Variants in ABR observed in about 807,000 individuals in gnomAD.
The protein encoded by ABR is active breakpoint cluster region-related protein.
ABR carries 35 observed loss-of-function variants against 107.2 expected under a neutral mutation model. The ratio of observed to expected loss-of-function variants is 0.33; its 90% confidence interval spans 0.25 to 0.43. The LOEUF (loss-of-function observed/expected upper bound fraction) is 0.43. Among genes scored for constraint, ABR ranks in the 20% least tolerant of loss-of-function variants. The probability of loss-of-function intolerance (pLI) is 1.00; values close to 1 mark genes in which losing one functional copy is unlikely to be tolerated. For missense variants in ABR, 815 were observed against 1,115.2 expected (o/e 0.73, Z 3.83); for synonymous variants, 498 against 462.0 (o/e 1.08, Z -1.00).
At chr17:1,109,550 T>G (rs947780230) in intron 2 of ABR, among the ~76,000 whole-genome samples, 2 of 150,132 alleles carry the variant, frequency 1.3e-5, no homozygotes, top group African/African-American at 2.4e-5. Flanking sequence ...CGGGCCGGGG[T>G]GGGGTGGAGC....
intron 2 of ABR, among the ~76,000 whole-genome samples, chr17:1,119,673 G>A (rs1248546264): frequency 6.6e-6 from 1 of 152,218 alleles, no homozygotes; most frequent in Non-Finnish European, 1.5e-5. Context: ...CAGGGATTAA[G>A]GTCCTGATCT....
intron 1 of ABR, among the ~76,000 whole-genome samples, chr17:1,225,454 A>G (rs903183541): frequency 1.3e-5 from 2 of 152,054 alleles, no homozygotes; most frequent in Admixed American, 6.6e-5. Flanking sequence ...GGAGTTCAAG[A>G]CCAGCCCGGC....
Position 1,005,146 on chromosome 17 carries a change from C to G in ABR, c.*934G>C. 1 of 398,728 alleles carries G rather than the reference C, an allele frequency of 2.5e-6. No individual in the cohort carries two copies. Among genetic ancestry groups the G allele is most frequent in the Non-Finnish European group, 4.4e-6 (1 of 226,208 alleles). 24.7% of individuals were successfully genotyped at this position (398,728 alleles called of 1,614,324 possible). ...TGTGGTGTTTCCTCAGCAGCCTGAC[C>G]GCCTCCTCCCCCATTCTCTCCTGAC... is the stretch of plus-strand genomic sequence containing the variant. On this transcript the variant is annotated 3_prime_UTR_variant, in exon 23 of 23. Coordinates refer to ENST00000302538, the MANE Select transcript of ABR (RefSeq NM_021962.5).
At chr17:1,144,245 C>T (rs541040155) in intron 1 of ABR, among the ~76,000 whole-genome samples, 5 of 152,202 alleles carry the variant, frequency 3.3e-5, no homozygotes, top group East Asian at 1.9e-4. Context: ...TGCCATGATA[C>T]GACGAAAGCT....
At chr17:1,028,133 C>T (rs1338402760) in intron 16 of ABR, among the ~76,000 whole-genome samples, 2 of 152,144 alleles carry the variant, frequency 1.3e-5, no homozygotes, top group Non-Finnish European at 2.9e-5. Flanking sequence ...CTCTGTTGCC[C>T]AGGCTGGAGT....
At chr17:1,088,952 A>G (rs1050939677) in intron 4 of ABR, among the ~76,000 whole-genome samples, 1 of 137,708 alleles carries the variant, frequency 7.3e-6, no homozygotes, top group South Asian at 2.4e-4. Context: ...CTGGAGTGCA[A>G]TGGTGTGGTT....
chr17:1,092,377 G>A lies in ABR; in HGVS notation c.346-527C>T, dbSNP rs1301497122. Among the ~76,000 whole-genome samples the A allele has an allele frequency of 6.6e-6, 1 of 152,160 alleles. No individual in the cohort carries two copies. The highest frequency in any genetic ancestry group is 1.5e-5 in the Non-Finnish European group (1 of 68,030). ...ACTTGGCACAGGGAGAGGCATGGGC[G>A]TTCACGTGTCCCCCACTGCAGCCCA... is the stretch of plus-strand genomic sequence containing the variant. On this transcript the variant is annotated intron_variant, in intron 3 of 22. Transcript: ENST00000302538. The surrounding 1 kb of genome is among the most constrained non-coding windows in gnomAD (Gnocchi z 4.6).
Position 1,050,396 on chromosome 17 carries a change from G to A in ABR, c.1659+141C>T, listed in dbSNP as rs960237964. 87 of 972,964 alleles carry A rather than the reference G, an allele frequency of 8.9e-5. No homozygotes were observed. Among genetic ancestry groups the A allele is most frequent in the African/African-American group, 1.7e-4 (11 of 62,978 alleles). The allele number at this position is 972,964 out of a possible 1,614,324, so 60.3% of individuals were successfully genotyped here. A position where few individuals can be genotyped will look rare whatever the true frequency, so the allele number is the denominator to read the frequency against. ...GGTCTGACACCCAGACACACACCGC[G>A]ATCAGAAGCCAGAGGAGCAGGGAGC... On this transcript the variant is annotated intron_variant, in intron 15 of 22. Coordinates refer to ENST00000302538, the MANE Select transcript of ABR (RefSeq NM_021962.5). The surrounding 1 kb of genome is among the most constrained non-coding windows in gnomAD (Gnocchi z 4.6).
intron 1 of ABR, among the ~76,000 whole-genome samples, chr17:1,203,385 A>T (rs1291880412): frequency 1.5e-4 from 2 of 13,134 alleles, no homozygotes; most frequent in South Asian, 3.4e-3. Flanking sequence ...CGGGGCCTTG[A>T]GGGGGCGGGG....
intron 2 of ABR, chr17:1,108,971 C>A (rs542012164): frequency 5.0e-6 from 8 of 1,597,610 alleles, no homozygotes; most frequent in Non-Finnish European, 6.8e-6. Flanking sequence ...TGAGCCGGGG[C>A]TGGTCGGGGT....
At position 1,157,409 on chromosome 17, in the gene ABR, C is replaced by A. The variant is rs1018375543; in HGVS notation, c.61+22258G>T. 2.6e-5 allele frequency among the ~76,000 whole-genome samples: 4 copies of A among 152,112 alleles called. No individual in the cohort carries two copies. The highest frequency in any genetic ancestry group is 5.9e-5 in the Non-Finnish European group (4 of 68,026). On this transcript the variant is annotated intron_variant, in intron 1 of 22. Transcript: ENST00000302538. This position sits in a 1 kb window ranked among gnomAD's most constrained non-coding sequence, Gnocchi z 4.7. The stretch of plus-strand genomic sequence containing the variant: ...GGGATTACAGGTGTGCGCCACCACG[C>A]CCGGCTAATTTTTATATTTTTAATA...
At chr17:1,205,135 C>G (rs1487140211) in intron 1 of ABR, among the ~76,000 whole-genome samples, 1 of 152,106 alleles carries the variant, frequency 6.6e-6, no homozygotes, top group Non-Finnish European at 1.5e-5. Flanking sequence ...CTCCTGACCT[C>G]AGGTGACCCG....
At chr17:1,113,318 G>A (rs185850034) in intron 2 of ABR, among the ~76,000 whole-genome samples, 30 of 116,368 alleles carry the variant, frequency 2.6e-4, no homozygotes, top group African/African-American at 8.4e-4. Context: ...ACGGAGTCTC[G>A]CTCTGTCACC....
upstream of ABR, among the ~76,000 whole-genome samples, chr17:1,180,274 G>T (rs531487838): frequency 6.6e-6 from 1 of 152,056 alleles, no homozygotes; most frequent in East Asian, 1.9e-4. Flanking sequence ...GGTGCCGTGG[G>T]GGGCCCGGGA....
At chr17:1,012,950 C>G in intron 17 of ABR, 153 bp from the exon 18 acceptor site, 1 of 1,067,894 alleles carries the variant, frequency 9.4e-7, no homozygotes, top group Non-Finnish European at 1.4e-6. Flanking sequence ...CAGCAGCGGG[C>G]AGGGTGTGGG....
intron 1 of ABR, among the ~76,000 whole-genome samples, chr17:1,142,910 C>T (rs745456502): frequency 6.6e-5 from 10 of 152,168 alleles, no homozygotes; most frequent in Non-Finnish European, 1.3e-4. Context: ...CCCAGCAAAG[C>T]GGCAACTGGA....
At chr17:1,021,673 G>A (rs373607616) in intron 16 of ABR, among the ~76,000 whole-genome samples, 53 of 151,936 alleles carry the variant, frequency 3.5e-4, no homozygotes, top group East Asian at 2.1e-3. Context: ...GCGTGGTGGC[G>A]GGTGCCTGTA....
intron 1 of ABR, among the ~76,000 whole-genome samples, chr17:1,138,624 T>C (rs955956404): frequency 6.6e-6 from 1 of 152,058 alleles, no homozygotes; most frequent in African/African-American, 2.4e-5. Flanking sequence ...ACCACAGGCA[T>C]GCACAACCAT....
chr17:1,022,120 A>AAAAAAACAAAAAAC (rs56033950), intron 16 of ABR, among the ~76,000 whole-genome samples: 23 of 118,396 alleles, frequency 1.9e-4, no homozygotes, highest in Admixed American at 1.3e-3. Flanking sequence ...AAAAAAAAAA[A>AAAAAAACAAAAAAC]AAAAACAGAA....
Sources: allele counts gnomAD v4.1 joint callset (sites outside exome capture counted in the v4.1 genomes callset), GRCh38; gene constraint gnomAD v4.1.1; non-coding constraint Gnocchi (gnomAD v3.1); transcripts MANE v1.5; gene names NCBI Gene and HGNC (gene_info 2026-07-23, HGNC 2026-07-21).